PRUNE2: variants seen among roughly 807,000 people sequenced by gnomAD.
PRUNE2 encodes protein prune homolog 2.
A neutral mutation model predicts 252.0 loss-of-function variants in PRUNE2; 164 were observed. That is an observed-to-expected ratio of 0.65 (90% CI 0.57 to 0.74). The LOEUF (loss-of-function observed/expected upper bound fraction) is 0.74. Ranked by LOEUF, PRUNE2 falls within the 30% of genes least tolerant of loss-of-function variation. The probability of loss-of-function intolerance (pLI) is 0.00; values close to 1 mark genes in which losing one functional copy is unlikely to be tolerated. For missense variants in PRUNE2, 3,495 were observed against 3,711.0 expected (o/e 0.94, Z 1.51); for synonymous variants, 1,292 against 1,350.2 (o/e 0.96, Z 0.94).
intron 1 of PRUNE2, among the ~76,000 whole-genome samples, chr9:76,867,657 C>A (rs1388014608): frequency 5.3e-5 from 8 of 152,202 alleles, no homozygotes; most frequent in African/African-American, 1.9e-4. Context: ...CAACCTCCAC[C>A]TCCTGGGTTC....
intron 1 of PRUNE2, among the ~76,000 whole-genome samples, chr9:76,865,443 A>C (rs1490595859): frequency 6.6e-6 from 1 of 152,222 alleles, no homozygotes; most frequent in Non-Finnish European, 1.5e-5. Context: ...TATTCAAAAG[A>C]CTATTACTAA....
intron 1 of PRUNE2, among the ~76,000 whole-genome samples, chr9:76,855,460 A>G (rs1360548176): frequency 6.6e-6 from 1 of 152,190 alleles, no homozygotes; most frequent in Non-Finnish European, 1.5e-5. Context: ...TTATATGCAG[A>G]ACAAAGATGA....
intron 15 of PRUNE2, among the ~76,000 whole-genome samples, chr9:76,631,795 G>A (rs1054360455): frequency 6.6e-6 from 1 of 152,182 alleles, no homozygotes; most frequent in South Asian, 2.1e-4. Flanking sequence ...GTACCTGATA[G>A]GTAGTTTTTT....
chr9:76,869,362 A>G (rs937972897), intron 1 of PRUNE2, among the ~76,000 whole-genome samples: 1 of 152,240 alleles, frequency 6.6e-6, no homozygotes, highest in Non-Finnish European at 1.5e-5. Flanking sequence ...TACTTTGCAA[A>G]GACGACAGTT....
At chr9:76,836,863 C>T (rs1026631102) in intron 4 of PRUNE2, among the ~76,000 whole-genome samples, 7 of 152,102 alleles carry the variant, frequency 4.6e-5, no homozygotes, top group Admixed American at 6.5e-5. Flanking sequence ...AACACAAGCA[C>T]GTTATTTCTA....
chr9:76,826,499 C>A, intron 5 of PRUNE2, 81 bp downstream of exon 5: 1 of 1,010,178 alleles, frequency 9.9e-7, no homozygotes, highest in Non-Finnish European at 1.4e-6. Context: ...ACAAATATAC[C>A]TTCTCAGGTC....
rs1360845558 is a variant in PRUNE2 at position 76,674,446 on chromosome 9, A to C, written c.8277-18944T>G. Among the ~76,000 whole-genome samples, 3 of 152,346 alleles carry C rather than the reference A, an allele frequency of 2.0e-5. No homozygotes were observed. In the East Asian group the frequency reaches 5.8e-4, roughly 29 times the overall value. On this transcript the variant is annotated intron_variant, in intron 9 of 18. Transcript: ENST00000376718. ...ACAAATGGAAGAACATTCCATGCTC[A>C]TGGGTAGTAAGAATCAATATCGTGA... is the stretch of plus-strand genomic sequence containing the variant.
intron 10 of PRUNE2, among the ~76,000 whole-genome samples, chr9:76,652,980 G>A (rs752963307): frequency 6.6e-6 from 1 of 152,068 alleles, no homozygotes; most frequent in African/African-American, 2.4e-5. Context: ...GTGGGTTTGG[G>A]CCCAGTGGAA....
intron 3 of PRUNE2, among the ~76,000 whole-genome samples, chr9:76,849,774 C>T (rs950592739): frequency 7.2e-5 from 11 of 151,848 alleles, no homozygotes; most frequent in African/African-American, 2.2e-4. Flanking sequence ...TGCAGTGAGC[C>T]GAGATGGAGC....
rs977402286 is a variant in PRUNE2, at chr9:76,612,391, CT to C, written c.*2178del. ...GCTCTATGCCCTCAGGTTTGCACCA[CT>C]ACACTGAACACTGGATTTTTCATTA... On this transcript the variant is annotated 3_prime_UTR_variant, in exon 19 of 19. Coordinates refer to ENST00000376718, the MANE Select transcript of PRUNE2 (RefSeq NM_015225.3). 6.6e-6 allele frequency: 1 copy of C among 152,148 alleles called. No homozygotes were observed. The highest frequency in any genetic ancestry group is 2.4e-5 in the African/African-American group (1 of 41,388). The allele number at this position is 152,148 out of a possible 1,614,324, so 9.4% of individuals were successfully genotyped here.
At chr9:76,775,839 C>T (rs1272373769) in intron 6 of PRUNE2, among the ~76,000 whole-genome samples, 1 of 152,202 alleles carries the variant, frequency 6.6e-6, no homozygotes, top group East Asian at 1.9e-4. Context: ...TCTAACACAT[C>T]CTTCTCTAGC....
At chr9:76,740,138 G>A (rs1278179310) in intron 6 of PRUNE2, 2 of 151,524 alleles carry the variant, frequency 1.3e-5, no homozygotes, top group Admixed American at 6.6e-5. Context: ...CTAATTATAT[G>A]TGGAGGTTAA....
intron 6 of PRUNE2, among the ~76,000 whole-genome samples, chr9:76,746,573 C>T (rs981763964): frequency 9.9e-5 from 15 of 151,434 alleles, no homozygotes; most frequent in Admixed American, 3.3e-4. Flanking sequence ...GGCGCGGTGG[C>T]GGGCGCCTGT....
At chr9:76,617,726 G>C (rs1179643818) in intron 18 of PRUNE2, among the ~76,000 whole-genome samples, 1 of 152,140 alleles carries the variant, frequency 6.6e-6, no homozygotes, top group Non-Finnish European at 1.5e-5. Context: ...ACCCAGACAG[G>C]AAGCAATGGT....
intron 6 of PRUNE2, among the ~76,000 whole-genome samples, chr9:76,780,263 G>A (rs545690827): frequency 1.6e-4 from 24 of 152,122 alleles, no homozygotes; most frequent in Middle Eastern, 3.4e-3. Context: ...AAGCAGCTGC[G>A]CACTCCCCCA....
intron 1 of PRUNE2, among the ~76,000 whole-genome samples, chr9:76,890,928 G>T (rs2062432620): frequency 1.3e-5 from 2 of 152,216 alleles, no homozygotes; most frequent in Non-Finnish European, 1.5e-5. Flanking sequence ...AAATGCTTAA[G>T]AAAGATTGGA....
intron 6 of PRUNE2, among the ~76,000 whole-genome samples, chr9:76,721,429 A>G (rs1282375175): frequency 6.6e-6 from 1 of 152,206 alleles, no homozygotes; most frequent in Non-Finnish European, 1.5e-5. Context: ...TACAGATGAA[A>G]TATATTGAGT....
chr9:76,643,372 CTTTGT>C (rs1354995289), intron 12 of PRUNE2, among the ~76,000 whole-genome samples: 5 of 152,136 alleles, frequency 3.3e-5, no homozygotes, highest in Admixed American at 1.3e-4. Flanking sequence ...TACAGGCAGC[CTTTGT>C]TTTGTTTCTA....
intron 17 of PRUNE2, among the ~76,000 whole-genome samples, chr9:76,621,605 A>G (rs1270112971): frequency 6.6e-6 from 1 of 152,144 alleles, no homozygotes; most frequent in Non-Finnish European, 1.5e-5. Flanking sequence ...TTGGCCCTTG[A>G]CTTTTAGGCA....
Sources: gnomAD v4.1 joint callset for allele counts (sites outside exome capture counted in the v4.1 genomes callset) on GRCh38, gnomAD v4.1.1 for gene constraint, MANE v1.5 for transcripts, NCBI Gene and HGNC (gene_info 2026-07-23, HGNC 2026-07-21) for gene names.